The following MTOR variants were observed in gnomAD, a reference collection of about 807,000 sequenced individuals.
MTOR encodes the protein mechanistic target of rapamycin kinase.
In MTOR, 70 loss-of-function variants were observed where a neutral mutation model predicts 319.8. That is an observed-to-expected ratio of 0.22 (90% CI 0.18 to 0.27). The LOEUF is 0.27. MTOR is among the 10% of genes least tolerant of loss of function. MTOR has a pLI of 1.00. For missense variants in MTOR, 1,890 were observed against 3,274.4 expected (o/e 0.58, Z 10.32); for synonymous variants, 1,183 against 1,211.4 (o/e 0.98, Z 0.49).
At chr1:11,150,063 T>G in intron 31 of MTOR, 63 bp downstream of exon 31, 1 of 1,461,560 alleles carries the variant, frequency 6.8e-7, no homozygotes, top group Non-Finnish European at 9.6e-7. Flanking sequence ...CTTACTCTTC[T>G]GATGCGAGCC....
chr1:11,231,699 C>T (rs563015102), intron 16 of MTOR, among the ~76,000 whole-genome samples: 2 of 152,236 alleles, frequency 1.3e-5, no homozygotes, highest in East Asian at 3.9e-4. Context: ...CTTCCATATC[C>T]CAAATGATTA....
At chr1:11,198,869 C>A (rs1292798502) in intron 28 of MTOR, among the ~76,000 whole-genome samples, 2 of 152,242 alleles carry the variant, frequency 1.3e-5, no homozygotes, top group Admixed American at 6.5e-5. Context: ...TAAAACCCCA[C>A]TGTGCCCTTG....
intron 10 of MTOR, among the ~76,000 whole-genome samples, chr1:11,240,985 C>T (rs140349771): frequency 0.017 from 2,543 of 151,830 alleles, 55 homozygotes; most frequent in Admixed American, 0.036. Context: ...CCACAGCAAC[C>T]CTAGGCAATA....
chr1:11,195,327 G>T, intron 28 of MTOR: 1 of 277,990 alleles, frequency 3.6e-6, no homozygotes, highest in Non-Finnish European at 6.7e-6. Flanking sequence ...CACATGATTT[G>T]TCTGTGAAAG....
In MTOR at chr1:11,228,802, GA is replaced by G; in HGVS notation, c.2895del (p.His966IlefsTer58). On this transcript the variant is annotated frameshift_variant, in exon 19 of 58. Transcript: ENST00000361445. LOFTEE classifies it high-confidence loss of function. ...LMRIFRDQSLSHHHTMVVQAI... is the reference protein window; with the variant it reads ...LMRIFRDQSLXHHHTMVVQAI... Reference sequence around the variant, plus strand: ...GCCTGGACAACCATGGTGTGATGATGAGAGAGTGACTGGTCTCGGAAGATCC... The same window carrying G: ...GCCTGGACAACCATGGTGTGATGATGGAGAGTGACTGGTCTCGGAAGATCC... The G allele has an allele frequency of 6.2e-7, 1 of 1,614,140 alleles. No individual in the cohort carries two copies.
chr1:11,191,413 A>C (rs1645526345), intron 28 of MTOR, among the ~76,000 whole-genome samples: 1 of 152,140 alleles, frequency 6.6e-6, no homozygotes, highest in South Asian at 2.1e-4. Flanking sequence ...TGTGCCTCAG[A>C]CAACTCCCAT....
In MTOR at chr1:11,139,412, C is replaced by T; in HGVS notation, c.5022G>A (p.Val1674=). ...GAGACGGATCAACTCCCAGGAGCAA[C>T]ACTAAAGTTTTATGAGCAAGAGCCT... The part of the protein sequence containing the change: ...GRLALAHKTL[V]LLLGVDPSRQ... Residue 1674 remains valine (V), a synonymous_variant, in exon 36 of 58, where the codon GTG becomes GTA. Coordinates refer to ENST00000361445, the MANE Select transcript of MTOR (RefSeq NM_004958.4). 1 of 1,614,104 alleles carries T rather than the reference C, an allele frequency of 6.2e-7. No homozygotes were observed. Among genetic ancestry groups the T allele is most frequent in the Non-Finnish European group, 8.5e-7 (1 of 1,180,016 alleles).
intron 54 of MTOR, among the ~76,000 whole-genome samples, chr1:11,112,056 G>C (rs1162594816): frequency 6.6e-6 from 1 of 152,144 alleles, no homozygotes; most frequent in East Asian, 1.9e-4. Flanking sequence ...AAGTTAAACA[G>C]CTTGACTCAA....
chr1:11,144,982 T>A lies in MTOR; in HGVS notation c.4750A>T (p.Ser1584Cys), dbSNP rs566232327. ...TTGACACTTACCCCATATGCCCGACTGTAACTCTCTCCTGCCATCGCAGTT... is the reference window on the plus strand; with the variant it reads ...TTGACACTTACCCCATATGCCCGACAGTAACTCTCTCCTGCCATCGCAGTT... Reference protein sequence around the residue: ...ELTAMAGESYSRAYGAMVSCH... With the variant: ...ELTAMAGESYCRAYGAMVSCH... The change falls in exon 33 of 58, where the codon AGT becomes TGT. Residue 1584 changes from serine to cysteine, a missense_variant. Physicochemically the swap from Ser to Cys is moderately radical, Grantham distance 112 (BLOSUM62 -1). Around this residue, in one of 15 missense-constraint regions of MTOR, gnomAD observed 276 missense variants for 459.4 expected, o/e 0.60. Transcript: ENST00000361445. 1 of 1,614,152 alleles carries A rather than the reference T, an allele frequency of 6.2e-7. No individual in the cohort carries two copies. The highest frequency in any genetic ancestry group is 1.1e-5 in the South Asian group (1 of 91,082).
intron 28 of MTOR, among the ~76,000 whole-genome samples, chr1:11,170,963 G>A (rs372611020): frequency 7.9e-5 from 12 of 151,910 alleles, no homozygotes; most frequent in Middle Eastern, 3.4e-3. Context: ...AACTGAGGCC[G>A]AGGTGGGTGG....
chr1:11,222,754 C>A (rs1295800930), intron 19 of MTOR, among the ~76,000 whole-genome samples: 2 of 151,806 alleles, frequency 1.3e-5, no homozygotes, highest in Non-Finnish European at 2.9e-5. Context: ...TGGAAAAAAA[C>A]ATTTTTTTTA....
intron 28 of MTOR, chr1:11,195,624 G>A (rs1171689241): frequency 1.3e-5 from 2 of 154,000 alleles, no homozygotes; most frequent in Non-Finnish European, 2.9e-5. Flanking sequence ...CACTGCATCT[G>A]GCGATCAGAC....
rs78335336 is a variant in MTOR, at chr1:11,156,846, T to C, written c.4469+306A>G. On this transcript the variant is annotated intron_variant, in intron 30 of 57. Transcript: ENST00000361445. ...AAATCAAGGTTGCCAAGTAAGAATA[T>C]GAGCTCTTCACTGGGTCAGTAAAGA... Among the ~76,000 whole-genome samples the C allele has an allele frequency of 0.03, 4,541 of 152,278 alleles. 175 individuals are homozygous for C. The highest frequency in any genetic ancestry group is 0.071 in the Admixed American group (1,087 of 15,296).
At chr1:11,223,058 G>C (rs1646720418) in intron 19 of MTOR, among the ~76,000 whole-genome samples, 1 of 151,946 alleles carries the variant, frequency 6.6e-6, no homozygotes, top group African/African-American at 2.4e-5. Context: ...ATCTAATCAA[G>C]CCTCTAAATC....
intron 50 of MTOR, among the ~76,000 whole-genome samples, chr1:11,116,788 T>C (rs1015176975): frequency 3.9e-5 from 6 of 152,212 alleles, no homozygotes; most frequent in Non-Finnish European, 7.3e-5. Flanking sequence ...TGCACCCAGC[T>C]TGAACTATTT....
At chr1:11,141,802 C>T (rs913965268) in intron 34 of MTOR, among the ~76,000 whole-genome samples, 12 of 149,134 alleles carry the variant, frequency 8.0e-5, no homozygotes, top group African/African-American at 2.2e-4. Flanking sequence ...CTGGCTAATA[C>T]GGTGAAACCC....
chr1:11,243,882 G>A (rs988279729), intron 8 of MTOR, among the ~76,000 whole-genome samples: 4 of 152,026 alleles, frequency 2.6e-5, no homozygotes, highest in African/African-American at 9.7e-5. Context: ...TCATGGGCCG[G>A]GTGCAGTGTC....
At chr1:11,126,921 C>T in intron 45 of MTOR, 89 bp downstream of exon 45, 2 of 1,579,200 alleles carry the variant, frequency 1.3e-6, no homozygotes, top group Non-Finnish European at 1.7e-6. Flanking sequence ...AAACCAGATG[C>T]TTTGGAATGA....
Position 11,212,696 on chromosome 1 carries a change from A to G in MTOR, c.3398+100T>C. 8.3e-7 allele frequency: 1 copy of G among 1,208,130 alleles called. No individual in the cohort carries two copies. The highest frequency in any genetic ancestry group is 2.3e-5 in the East Asian group (1 of 42,720). 74.8% of individuals were successfully genotyped at this position (1,208,130 alleles called of 1,614,324 possible). On this transcript the variant is annotated intron_variant, in intron 22 of 57. Coordinates refer to ENST00000361445, the MANE Select transcript of MTOR (RefSeq NM_004958.4). This position sits in a 1 kb window ranked among gnomAD's most constrained non-coding sequence, Gnocchi z 4.1. Reference sequence around the variant, plus strand: ...GACTAAAATAATGTGAGTTGAAATAACAAAAAAAATAGAAAGATGGCCTGG... The same window carrying G: ...GACTAAAATAATGTGAGTTGAAATAGCAAAAAAAATAGAAAGATGGCCTGG...
Sources: allele counts gnomAD v4.1 joint callset (sites outside exome capture counted in the v4.1 genomes callset), GRCh38; gene constraint gnomAD v4.1.1; regional missense constraint gnomAD v4.1.1; non-coding constraint Gnocchi (gnomAD v3.1); transcripts MANE v1.5; gene names NCBI Gene and HGNC (gene_info 2026-07-23, HGNC 2026-07-21).